Variants in PVT1 observed in about 807,000 individuals in gnomAD.
The protein encoded by PVT1 is CXCR4/PVT1 fusion.
At chr8:127,974,148 C>T (rs1484261408) in intron 3 of PVT1, among the ~76,000 whole-genome samples, 1 of 152,118 alleles carries the variant, frequency 6.6e-6, no homozygotes, top group East Asian at 1.9e-4. Context: ...AAGACTGAAT[C>T]TTACAGAGCT....
At chr8:127,965,108 G>A (rs372561075) in intron 3 of PVT1, among the ~76,000 whole-genome samples, 1 of 152,120 alleles carries the variant, frequency 6.6e-6, no homozygotes, top group Non-Finnish European at 1.5e-5. Flanking sequence ...GAAAGCCAAG[G>A]TTTAGACCTC....
intron 4 of PVT1, among the ~76,000 whole-genome samples, chr8:128,016,215 T>G (rs1017860878): frequency 6.6e-6 from 1 of 151,054 alleles, no homozygotes; most frequent in Non-Finnish European, 1.5e-5. Context: ...AGGTGGAGAT[T>G]GCGGTGAACC....
At chr8:127,964,930 G>A (rs1816687895) in intron 3 of PVT1, among the ~76,000 whole-genome samples, 1 of 152,102 alleles carries the variant, frequency 6.6e-6, no homozygotes, top group African/African-American at 2.4e-5. Context: ...CACAGCATGG[G>A]ATTACAGGCG....
chr8:127,961,805 T>C (rs1219887180), intron 3 of PVT1, among the ~76,000 whole-genome samples: 2 of 152,144 alleles, frequency 1.3e-5, no homozygotes, highest in Non-Finnish European at 2.9e-5. Context: ...GTTTAGGGAG[T>C]GGGGATGGCC....
At chr8:127,976,030 G>C (rs1422599892) in intron 3 of PVT1, among the ~76,000 whole-genome samples, 1 of 152,230 alleles carries the variant, frequency 6.6e-6, no homozygotes, top group Non-Finnish European at 1.5e-5. Flanking sequence ...GGCTAGCAGG[G>C]AGAAGCCAGG....
At chr8:127,905,082 C>A (rs1177014203) in intron 3 of PVT1, among the ~76,000 whole-genome samples, 1 of 152,238 alleles carries the variant, frequency 6.6e-6, no homozygotes, top group Non-Finnish European at 1.5e-5. Flanking sequence ...AGGTACCTGG[C>A]TTCCTTGGAG....
At chr8:127,813,001 T>C (rs1814615788) in intron 2 of PVT1, among the ~76,000 whole-genome samples, 2 of 151,840 alleles carry the variant, frequency 1.3e-5, no homozygotes, top group Non-Finnish European at 2.9e-5. Flanking sequence ...ATAGCATTAA[T>C]ATAGGTACAA....
chr8:127,998,348 A>G (rs1413679701), intron 4 of PVT1: 1 of 152,170 alleles, frequency 6.6e-6, no homozygotes, highest in Non-Finnish European at 1.5e-5. Flanking sequence ...ATATATCAGC[A>G]TGGACTTGCA....
At chr8:128,028,022 A>G (rs1813334492) in intron 4 of PVT1, among the ~76,000 whole-genome samples, 1 of 151,992 alleles carries the variant, frequency 6.6e-6, no homozygotes, top group Non-Finnish European at 1.5e-5. Context: ...CAGTCCTCCC[A>G]CTGCTGTCTC....
At chr8:127,809,052 A>AAAAAAAAAAAAAAAAAAAAG (rs1554588311) in intron 2 of PVT1, among the ~76,000 whole-genome samples, 5 of 135,030 alleles carry the variant, frequency 3.7e-5, no homozygotes, top group African/African-American at 1.2e-4. Flanking sequence ...AAAAAAAAAA[A>AAAAAAAAAAAAAAAAAAAAG]AAAGAAAGAA....
chr8:127,803,914 T>A (rs759671716), intron 2 of PVT1, among the ~76,000 whole-genome samples: 2 of 151,976 alleles, frequency 1.3e-5, no homozygotes, highest in African/African-American at 2.4e-5. Context: ...AGAGACGGGG[T>A]TTCACCATGT....
intron 3 of PVT1, among the ~76,000 whole-genome samples, chr8:127,958,521 G>A (rs537969001): frequency 3.3e-5 from 5 of 152,350 alleles, no homozygotes; most frequent in East Asian, 3.9e-4. Flanking sequence ...TTACAGGCAT[G>A]AGCCACCATG....
Position 128,027,398 on chromosome 8 carries a change from A to C in PVT1, n.912+38107A>C, listed in dbSNP as rs1476099532. On this transcript the variant is annotated intron_variant and non_coding_transcript_variant, in intron 4 of 10. Transcript: ENST00000651587. ...TGGGAGTGGGCAGCATGCAGTCAGA[A>C]GGGAACTTGGGTGGGGACAGGCATC... Among the ~76,000 whole-genome samples, 4 of 152,172 alleles carry C rather than the reference A, an allele frequency of 2.6e-5. No individual in the cohort carries two copies. The East Asian group carries it at 7.7e-4, about 29-fold the overall frequency.
intron 4 of PVT1, among the ~76,000 whole-genome samples, chr8:128,012,710 C>T (rs538110018): frequency 2.6e-5 from 4 of 152,316 alleles, no homozygotes; most frequent in Admixed American, 2.0e-4. Context: ...AGCAATTTCT[C>T]GGCTGCTCCT....
intron 2 of PVT1, among the ~76,000 whole-genome samples, chr8:127,809,279 C>T (rs1045761557): frequency 6.6e-6 from 1 of 152,006 alleles, no homozygotes; most frequent in African/African-American, 2.4e-5. Context: ...GCAGCCTGGA[C>T]CCCCTGTGCT....
At chr8:128,066,762 T>C (rs1813916348) in intron 4 of PVT1, among the ~76,000 whole-genome samples, 1 of 152,236 alleles carries the variant, frequency 6.6e-6, no homozygotes, top group Admixed American at 6.5e-5. Context: ...CAGGATCTTT[T>C]TCTAGTCTGT....
intron 5 of PVT1, among the ~76,000 whole-genome samples, chr8:128,086,527 G>A (rs1814260457): frequency 6.6e-6 from 1 of 152,186 alleles, no homozygotes; most frequent in Non-Finnish European, 1.5e-5. Context: ...TATACCCACA[G>A]CACTGTACTA....
intron 4 of PVT1, among the ~76,000 whole-genome samples, chr8:128,014,258 C>T (rs1817346289): frequency 6.6e-6 from 1 of 152,194 alleles, no homozygotes; most frequent in African/African-American, 2.4e-5. Flanking sequence ...CATAGCTTTT[C>T]TCTGTGGATT....
chr8:127,802,519 T>G (rs7844288), intron 2 of PVT1, among the ~76,000 whole-genome samples: 46,831 of 152,196 alleles, frequency 0.31, 8,534 homozygotes, highest in African/African-American at 0.51. Flanking sequence ...CCCTGCCAAG[T>G]TATCTCATGA....
Sources: allele counts gnomAD v4.1 joint callset (sites outside exome capture counted in the v4.1 genomes callset), GRCh38; gene constraint gnomAD v4.1.1; transcripts MANE v1.5; gene names NCBI Gene and HGNC (gene_info 2026-07-23, HGNC 2026-07-21).